The following TBXAS1 variants were observed in gnomAD, a reference collection of about 807,000 sequenced individuals.
The protein encoded by TBXAS1 is thromboxane-A synthase.
Under a neutral mutation model 60.7 loss-of-function variants are expected in TBXAS1, and 48 were observed. The observed-to-expected ratio is 0.79, with a 90% CI of 0.63 to 1.01. TBXAS1 has a LOEUF of 1.01. Ranked by LOEUF, TBXAS1 falls within the 50% of genes least tolerant of loss-of-function variation. The probability of loss-of-function intolerance (pLI) is 0.00; values close to 1 mark genes in which losing one functional copy is unlikely to be tolerated. For synonymous variants in TBXAS1, 287 were observed against 269.7 expected, an observed-to-expected ratio of 1.06 and a Z score of -0.63; for missense variants, 685 against 686.3, an observed-to-expected ratio of 1.00 and a Z score of 0.02.
At chr7:140,011,343 GA>G (rs56317793) in intron 10 of TBXAS1, among the ~76,000 whole-genome samples, 1 of 148,528 alleles carries the variant, frequency 6.7e-6, no homozygotes, top group Non-Finnish European at 1.5e-5. Flanking sequence ...AAAAAAAAAA[GA>G]AAAAAAAGGC....
chr7:139,849,479 G>A (rs1800059284), intron 1 of TBXAS1, among the ~76,000 whole-genome samples: 1 of 152,100 alleles, frequency 6.6e-6, no homozygotes, highest in Admixed American at 6.5e-5. Context: ...TGACATGGTG[G>A]GTCATGGTGA....
At chr7:139,935,991 C>T (rs1051831287) in intron 4 of TBXAS1, among the ~76,000 whole-genome samples, 200 bp from the exon 5 acceptor site, 2 of 152,232 alleles carry the variant, frequency 1.3e-5, no homozygotes, top group Admixed American at 6.5e-5. Context: ...TGCCCATCTG[C>T]TCCCTCTGGG....
chr7:139,907,515 C>G (rs189435655), intron 3 of TBXAS1, among the ~76,000 whole-genome samples: 1 of 152,054 alleles, frequency 6.6e-6, no homozygotes, highest in Non-Finnish European at 1.5e-5. Context: ...CAGAGTAAAC[C>G]TGTCCTCATA....
At chr7:139,968,950 A>T (rs1292370536) in intron 9 of TBXAS1, among the ~76,000 whole-genome samples, 1 of 152,238 alleles carries the variant, frequency 6.6e-6, no homozygotes, top group East Asian at 1.9e-4. Context: ...AATTTTGAAA[A>T]GGATGAGAAA....
At chr7:139,986,147 G>A (rs1271692022) in intron 9 of TBXAS1, among the ~76,000 whole-genome samples, 3 of 152,226 alleles carry the variant, frequency 2.0e-5, no homozygotes, top group Non-Finnish European at 4.4e-5. Flanking sequence ...CAGAGGTAGT[G>A]AATGTTTGTT....
chr7:139,854,503 A>G (rs754916223), intron 1 of TBXAS1, among the ~76,000 whole-genome samples: 1 of 152,082 alleles, frequency 6.6e-6, no homozygotes, highest in African/African-American at 2.4e-5. Context: ...GGTGTGGAGG[A>G]CTGATTGGAG....
At chr7:139,943,296 A>C (rs777974955) in intron 5 of TBXAS1, among the ~76,000 whole-genome samples, 3 of 152,238 alleles carry the variant, frequency 2.0e-5, no homozygotes, top group Non-Finnish European at 4.4e-5. Context: ...ATTTTCTGGA[A>C]TAGCTGGGTA....
At chr7:139,802,589 A>G (rs1344064930) in intron 4 of TBXAS1, among the ~76,000 whole-genome samples, 2 of 152,210 alleles carry the variant, frequency 1.3e-5, no homozygotes, top group African/African-American at 4.8e-5. Context: ...GTTCAAGACC[A>G]ACCTGGCCAA....
intron 1 of TBXAS1, among the ~76,000 whole-genome samples, chr7:139,838,283 T>C (rs1043632599): frequency 6.6e-6 from 1 of 152,236 alleles, no homozygotes; most frequent in Admixed American, 6.5e-5. Flanking sequence ...CCAAAGGCAC[T>C]GAGGAGCCCC....
At chr7:139,866,820 C>T (rs1371154682) in intron 1 of TBXAS1, among the ~76,000 whole-genome samples, 3 of 151,644 alleles carry the variant, frequency 2.0e-5, no homozygotes, top group African/African-American at 7.3e-5. Context: ...TAATAGCAAA[C>T]ATATAAAAAA....
intron 1 of TBXAS1, among the ~76,000 whole-genome samples, chr7:139,849,400 CA>C (rs3831717): frequency 0.27 from 40,359 of 147,540 alleles, 6,850 homozygotes; most frequent in African/African-American, 0.45. Flanking sequence ...CAAAAAACAA[CA>C]AAAAAAAAAC....
At chr7:139,790,480 T>C (rs773729749) in intron 4 of TBXAS1, among the ~76,000 whole-genome samples, 5 of 152,256 alleles carry the variant, frequency 3.3e-5, no homozygotes, top group Non-Finnish European at 7.3e-5. Context: ...GAAAGTTTTT[T>C]CACTTCTGTC....
At chr7:139,962,591 G>A (rs542702149) in intron 9 of TBXAS1, 5 of 331,246 alleles carry the variant, frequency 1.5e-5, no homozygotes, top group South Asian at 1.3e-4. Flanking sequence ...CTGCCACACG[G>A]AGGGAGGCAG....
At chr7:139,790,410 C>T (rs1797346315) in intron 4 of TBXAS1, among the ~76,000 whole-genome samples, 1 of 152,236 alleles carries the variant, frequency 6.6e-6, no homozygotes, top group Non-Finnish European at 1.5e-5. Context: ...ACTTTCCCAA[C>T]TGTTGTCTAT....
rs1363019316 is a variant in TBXAS1, at chr7:140,020,127, G to A, written c.*28G>A. 2 of 1,190,526 alleles carry A rather than the reference G, an allele frequency of 1.7e-6. No individual in the cohort carries two copies. The highest frequency in any genetic ancestry group is 1.5e-5 in the African/African-American group (1 of 66,460). 73.7% of individuals were successfully genotyped at this position (1,190,526 alleles called of 1,614,324 possible). A position where few individuals can be genotyped will look rare whatever the true frequency, so the allele number is the denominator to read the frequency against. Reference sequence around the variant, plus strand: ...CAGAAGGCTGCCGGGTGGGGGGAGGGCACCCCCAAATTCAAAGAAAACCCT... The same window carrying A: ...CAGAAGGCTGCCGGGTGGGGGGAGGACACCCCCAAATTCAAAGAAAACCCT... On this transcript the variant is annotated 3_prime_UTR_variant, in exon 13 of 13. Transcript: ENST00000448866.
At chr7:139,998,855 C>T (rs1413572418) in intron 9 of TBXAS1, among the ~76,000 whole-genome samples, 1 of 152,200 alleles carries the variant, frequency 6.6e-6, no homozygotes. Flanking sequence ...CCTTAATGGC[C>T]TGGGCCTCAG....
chr7:139,905,328 G>C (rs919828680), intron 3 of TBXAS1, among the ~76,000 whole-genome samples: 1 of 152,016 alleles, frequency 6.6e-6, no homozygotes, highest in African/African-American at 2.4e-5. Context: ...ATCATAAGGG[G>C]ATGCTAGATT....
chr7:139,970,488 T>C (rs1020589588), intron 9 of TBXAS1, among the ~76,000 whole-genome samples: 23 of 152,364 alleles, frequency 1.5e-4, no homozygotes, highest in African/African-American at 5.3e-4. Flanking sequence ...GGAGCCAGGT[T>C]CTGAACCATA....
At chr7:139,993,410 G>A (rs900975548) in intron 9 of TBXAS1, among the ~76,000 whole-genome samples, 3 of 152,160 alleles carry the variant, frequency 2.0e-5, no homozygotes, top group Non-Finnish European at 4.4e-5. Flanking sequence ...AATTGTAAGC[G>A]AAGTCCCTGA....
Sources: gnomAD v4.1 joint callset for allele counts (sites outside exome capture counted in the v4.1 genomes callset) on GRCh38, gnomAD v4.1.1 for gene constraint, MANE v1.5 for transcripts, NCBI Gene and HGNC (gene_info 2026-07-23, HGNC 2026-07-21) for gene names.